TIMM21: variants seen among roughly 807,000 people sequenced by gnomAD.
TIMM21 encodes the protein mitochondrial import inner membrane translocase subunit Tim21.
Under a neutral mutation model 27.7 loss-of-function variants are expected in TIMM21, and 30 were observed. The observed-to-expected ratio is 1.08, with a 90% CI of 0.81 to 1.47. TIMM21 has a LOEUF of 1.47. Ranked by LOEUF, TIMM21 falls within the 40% of genes most tolerant of loss-of-function variation. The probability of loss-of-function intolerance (pLI) is 0.00; values close to 1 mark genes in which losing one functional copy is unlikely to be tolerated. For missense variants in TIMM21, 292 were observed against 302.9 expected (o/e 0.96, Z 0.27); for synonymous variants, 121 against 114.4 (o/e 1.06, Z -0.37).
chr18:74,148,769 T>G lies in TIMM21; in HGVS notation c.-40T>G. 6.3e-7 allele frequency: 1 copy of G among 1,580,276 alleles called. No individual in the cohort carries two copies. Among genetic ancestry groups the G allele is most frequent in the Non-Finnish European group, 8.6e-7 (1 of 1,156,786 alleles). ...GTGAACCCTAAAGCTTTCCTAATTG[T>G]AGTTAGCATCGTCCCTAAGCGGAAC... On this transcript the variant is annotated 5_prime_UTR_variant, in exon 1 of 6. Transcript: ENST00000169551.
intron 1 of TIMM21, among the ~76,000 whole-genome samples, chr18:74,151,148 A>T (rs558265917): frequency 6.6e-6 from 1 of 152,264 alleles, no homozygotes; most frequent in South Asian, 2.1e-4. Flanking sequence ...GTCAGCACAG[A>T]CTATGTCCAA....
Position 74,152,206 on chromosome 18 carries a change from C to T in TIMM21, c.302-2939C>T, listed in dbSNP as rs72974510. On this transcript the variant is annotated intron_variant, in intron 1 of 5. Coordinates refer to ENST00000169551, the MANE Select transcript of TIMM21 (RefSeq NM_014177.3). The surrounding 1 kb of genome is among the most constrained non-coding windows in gnomAD (Gnocchi z 4.1). ...TCAAGATTTTTTACAACATTGACCT[C>T]AAGGGCCCCCTACCCAGCTTTAGGT... Among the ~76,000 whole-genome samples, 20 of 152,212 alleles carry T rather than the reference C, an allele frequency of 1.3e-4. No homozygotes were observed. The highest frequency in any genetic ancestry group is 2.5e-4 in the Non-Finnish European group (17 of 67,990).
chr18:74,155,085 C>T (rs1214682297), intron 1 of TIMM21, 60 bp from the exon 2 acceptor site: 7 of 1,542,536 alleles, frequency 4.5e-6, no homozygotes, highest in African/African-American at 1.4e-5. Flanking sequence ...GCAAAAGCAG[C>T]AGACAAGCTT....
At chr18:74,156,135 G>T (rs1050972777) in intron 3 of TIMM21, 1 of 396,774 alleles carries the variant, frequency 2.5e-6, no homozygotes. Context: ...ACTCCCTGCT[G>T]CAGACCTTCA....
At chr18:74,149,190 C>A in intron 1 of TIMM21, 81 bp downstream of exon 1, 1 of 1,461,176 alleles carries the variant, frequency 6.8e-7, no homozygotes, top group Non-Finnish European at 9.2e-7. Context: ...AAGTTCACTG[C>A]TAAAGGTGAA....
At chr18:74,151,945 C>CCCCT (rs1555682321) in intron 1 of TIMM21, among the ~76,000 whole-genome samples, 2 of 145,258 alleles carry the variant, frequency 1.4e-5, no homozygotes, top group African/African-American at 5.4e-5. Context: ...GTTCCCCCCC[C>CCCCT]CCCCGGGGGG....
chr18:74,155,939 A>C (rs1279137862), intron 3 of TIMM21, among the ~76,000 whole-genome samples: 2 of 152,226 alleles, frequency 1.3e-5, no homozygotes, highest in Non-Finnish European at 2.9e-5. Context: ...ACCCGAATCC[A>C]CACAAATCCA....
chr18:74,154,248 T>G (rs919698633), intron 1 of TIMM21, among the ~76,000 whole-genome samples: 2 of 152,196 alleles, frequency 1.3e-5, no homozygotes, highest in Admixed American at 6.5e-5. Context: ...CATATGTATA[T>G]ATTCTGTCCC....
In TIMM21 at chr18:74,159,654, T is replaced by TAAG. The variant is rs1459010090; in HGVS notation, c.*1175_*1177dup. ...TTTAATTATAAAAATTTCCAACATT[T>TAAG]AAGGAGTATAGAAAATATAACAGAC... On this transcript the variant is annotated 3_prime_UTR_variant, in exon 6 of 6. Coordinates refer to ENST00000169551, the MANE Select transcript of TIMM21 (RefSeq NM_014177.3). 3.9e-5 allele frequency: 6 copies of TAAG among 152,200 alleles called. No individual in the cohort carries two copies. The highest frequency in any genetic ancestry group is 7.2e-5 in the African/African-American group (3 of 41,448). 9.4% of individuals were successfully genotyped at this position (152,200 alleles called of 1,614,324 possible). A position where few individuals can be genotyped will look rare whatever the true frequency, so the allele number is the denominator to read the frequency against.
At position 74,148,967 on chromosome 18, in the gene TIMM21, A is replaced by C. The variant is rs749125285; in HGVS notation, c.159A>C (p.Arg53=). 6.2e-7 allele frequency: 1 copy of C among 1,614,062 alleles called. No individual in the cohort carries two copies. The highest frequency in any genetic ancestry group is 8.5e-7 in the Non-Finnish European group (1 of 1,180,042). Reference sequence around the variant, plus strand: ...TTCAATATCAAAAGAAAACGCTGCGACCTAGATGTATTCTTGGAGTCACCC... The same window carrying C: ...TTCAATATCAAAAGAAAACGCTGCGCCCTAGATGTATTCTTGGAGTCACCC... ...CGLQYQKKTL[R]PRCILGVTQK... is the part of the protein sequence containing the mutation. Residue 53 remains arginine, a synonymous_variant, in exon 1 of 6, where the codon CGA becomes CGC. Transcript: ENST00000169551.
chr18:74,156,095 C>T (rs1036328130), intron 3 of TIMM21: 2 of 394,248 alleles, frequency 5.1e-6, no homozygotes, highest in Non-Finnish European at 4.5e-6. Context: ...CACACGTAGC[C>T]GGTGTGGCCT....
chr18:74,149,214 T>C, intron 1 of TIMM21, 105 bp downstream of exon 1: 1 of 1,321,862 alleles, frequency 7.6e-7, no homozygotes, highest in Non-Finnish European at 1.0e-6. Flanking sequence ...GCAATTCACA[T>C]GAATTTTTAA....
At position 74,160,220 on chromosome 18, in the gene TIMM21, G is replaced by GAGAC. The variant is rs1443013152; in HGVS notation, c.*1743_*1746dup. ...CACTCCTGTAATCTCATCTACTCAG[G>GAGAC]AGACAGGAGAAGCGCTTGAACCCAG... On this transcript the variant is annotated 3_prime_UTR_variant, in exon 6 of 6. Transcript: ENST00000169551. The GAGAC allele has an allele frequency of 6.6e-6, 1 of 151,442 alleles. No homozygotes were observed. The highest frequency in any genetic ancestry group is 2.4e-5 in the African/African-American group (1 of 41,152). 9.4% of individuals were successfully genotyped at this position (151,442 alleles called of 1,614,324 possible).
At chr18:74,155,708 A>G (rs1979933207) in intron 3 of TIMM21, among the ~76,000 whole-genome samples, 1 of 152,204 alleles carries the variant, frequency 6.6e-6, no homozygotes, top group Non-Finnish European at 1.5e-5. Context: ...TTAAAGCCTG[A>G]TGCATGACCT....
intron 1 of TIMM21, 183 bp from the exon 2 acceptor site, chr18:74,154,962 C>G (rs1979908921): frequency 8.1e-6 from 5 of 615,850 alleles, no homozygotes; most frequent in South Asian, 6.0e-5. Context: ...CCAAGCCCTG[C>G]TCTGAGAATT....
intron 3 of TIMM21, chr18:74,157,110 T>A (rs1356805922): frequency 6.6e-6 from 1 of 152,216 alleles, no homozygotes; most frequent in African/African-American, 2.4e-5. Context: ...AATTTATATT[T>A]TTTAGAGGGT....
intron 3 of TIMM21, chr18:74,156,265 A>G (rs1262470543): frequency 2.5e-6 from 1 of 398,528 alleles, no homozygotes; most frequent in Non-Finnish European, 4.4e-6. Context: ...CCAAGGAGTA[A>G]TGTCATAGCT....
chr18:74,155,112 C>T, intron 1 of TIMM21, 33 bp from the exon 2 acceptor site: 1 of 1,607,798 alleles, frequency 6.2e-7, no homozygotes, highest in Non-Finnish European at 8.5e-7. Context: ...TCCCAGCCGG[C>T]ACCCGTAACC....
At chr18:74,150,128 C>A (rs1188464491) in intron 1 of TIMM21, among the ~76,000 whole-genome samples, 1 of 152,206 alleles carries the variant, frequency 6.6e-6, no homozygotes, top group African/African-American at 2.4e-5. Flanking sequence ...GCCTCTGCAT[C>A]TTTGTTGGAC....
Sources: allele counts gnomAD v4.1 joint callset (sites outside exome capture counted in the v4.1 genomes callset), GRCh38; gene constraint gnomAD v4.1.1; non-coding constraint Gnocchi (gnomAD v3.1); transcripts MANE v1.5; gene names NCBI Gene and HGNC (gene_info 2026-07-23, HGNC 2026-07-21).